The following FCER1A variants were observed in gnomAD, a reference collection of about 807,000 sequenced individuals.
The protein encoded by FCER1A is high affinity immunoglobulin epsilon receptor subunit alpha.
In FCER1A, 24 loss-of-function variants were observed where a neutral mutation model predicts 23.6. The observed-to-expected ratio is 1.02, with a 90% CI of 0.74 to 1.43. FCER1A has a LOEUF of 1.43. Among genes scored for constraint, FCER1A ranks in the 40% most tolerant of loss-of-function variants. FCER1A has a pLI of 0.00. For missense variants in FCER1A, 318 were observed against 294.5 expected (o/e 1.08, Z -0.58); for synonymous variants, 121 against 108.8 (o/e 1.11, Z -0.70).
intron 3 of FCER1A, 30 bp downstream of exon 3, chr1:159,304,212 C>G (rs1448163788): frequency 6.2e-7 from 1 of 1,602,522 alleles, no homozygotes; most frequent in Non-Finnish European, 8.5e-7. Flanking sequence ...AAATACAGAT[C>G]TCTCATGTGA....
chr1:159,300,448 A>G (rs987161879), upstream of FCER1A, among the ~76,000 whole-genome samples: 6 of 152,096 alleles, frequency 3.9e-5, no homozygotes, highest in Admixed American at 2.6e-4. Flanking sequence ...GGCTTCAAAT[A>G]TTGCCCTCTG....
chr1:159,294,411 T>A (rs933978037), intron 1 of FCER1A, among the ~76,000 whole-genome samples: 17 of 152,206 alleles, frequency 1.1e-4, no homozygotes, highest in African/African-American at 3.6e-4. Flanking sequence ...TTGTCTTGTT[T>A]CATCCTATCT....
At chr1:159,294,131 C>T (rs1300726098) in intron 1 of FCER1A, among the ~76,000 whole-genome samples, 3 of 152,192 alleles carry the variant, frequency 2.0e-5, no homozygotes, top group Admixed American at 6.5e-5. Context: ...GGATGGTAAA[C>T]TAGTTCAACC....
chr1:159,291,026 AT>A (rs1190560894), intron 1 of FCER1A, among the ~76,000 whole-genome samples: 1 of 152,104 alleles, frequency 6.6e-6, no homozygotes, highest in Non-Finnish European at 1.5e-5. Flanking sequence ...CCAAGGAATA[AT>A]GTCAATATAA....
At chr1:159,305,887 C>T in intron 3 of FCER1A, 101 bp from the exon 4 acceptor site, 1 of 1,042,570 alleles carries the variant, frequency 9.6e-7, no homozygotes, top group Non-Finnish European at 1.4e-6. Flanking sequence ...AATGATAATT[C>T]ATAGTTTCTG....
Position 159,307,921 on chromosome 1 carries a change from A to G in FCER1A, c.763A>G (p.Lys255Glu). Reference protein sequence around the residue: ...LLNPHPKPNPKNN With the variant: ...LLNPHPKPNPENN ...GAACCCACATCCTAAGCCAAACCCC[A>G]AAAACAACTGATATAATTACTCAAG... Residue 255 changes from lysine to glutamate, a missense_variant, in exon 5 of 5, where the codon AAA becomes GAA. By Grantham distance (56) the Lys-to-Glu change is moderately conservative. Transcript: ENST00000693622. 1 of 1,588,830 alleles carries G rather than the reference A, an allele frequency of 6.3e-7. No individual in the cohort carries two copies. The highest frequency in any genetic ancestry group is 8.6e-7 in the Non-Finnish European group (1 of 1,162,760).
Position 159,290,314 on chromosome 1 carries a change from C to T in FCER1A, c.-60+561C>T, listed in dbSNP as rs556036076. 3.3e-5 allele frequency among the ~76,000 whole-genome samples: 5 copies of T among 152,190 alleles called. No homozygotes were observed. The East Asian group carries it at 5.8e-4, about 18-fold the overall frequency. On this transcript the variant is annotated intron_variant, in intron 1 of 5. Coordinates refer to the FCER1A transcript ENST00000368115. The stretch of plus-strand genomic sequence containing the variant: ...TAACTCAGGGGTACTTAAGTAGGTG[C>T]CACACAATGGAGGCTAACTCTAGCA...
At chr1:159,288,039 T>C (rs1379053281), upstream of FCER1A, among the ~76,000 whole-genome samples, 2 of 152,138 alleles carry the variant, frequency 1.3e-5, no homozygotes, top group African/African-American at 4.8e-5. Context: ...GCAATTTTCA[T>C]ATATTGTGAT....
intron 1 of FCER1A, among the ~76,000 whole-genome samples, chr1:159,293,549 C>A (rs1652214001): frequency 9.1e-6 from 1 of 109,422 alleles, no homozygotes; most frequent in Non-Finnish European, 1.8e-5. Flanking sequence ...CCCCCTCCCC[C>A]CACCCCACAA....
intron 3 of FCER1A, among the ~76,000 whole-genome samples, chr1:159,305,753 C>T (rs1252050075): frequency 2.6e-5 from 4 of 152,018 alleles, no homozygotes; most frequent in Admixed American, 6.6e-5. Context: ...CAGGGAGGTC[C>T]GAGAGGCTTT....
chr1:159,285,887 TA>T (rs1336684749), upstream of FCER1A, among the ~76,000 whole-genome samples: 3 of 152,120 alleles, frequency 2.0e-5, no homozygotes, highest in Admixed American at 1.3e-4. Context: ...ATTTGTCTAT[TA>T]AAAAATAAAA....
chr1:159,294,377 G>C (rs560493563), intron 1 of FCER1A, among the ~76,000 whole-genome samples: 2 of 152,160 alleles, frequency 1.3e-5, no homozygotes, highest in East Asian at 3.9e-4. Context: ...ACTTCCCACT[G>C]CTTGAAAATT....
intron 1 of FCER1A, among the ~76,000 whole-genome samples, chr1:159,294,462 T>C (rs1040405415): frequency 3.9e-5 from 6 of 152,200 alleles, no homozygotes; most frequent in African/African-American, 1.4e-4. Context: ...TTTCATCAAA[T>C]GGCCTTTCTT....
upstream of FCER1A, among the ~76,000 whole-genome samples, chr1:159,300,940 A>G (rs1043976318): frequency 2.0e-5 from 3 of 152,210 alleles, no homozygotes. Flanking sequence ...ACTTGCTGTT[A>G]CCTTTAAGGT....
chr1:159,304,482 CT>C (rs1364226852), intron 3 of FCER1A, among the ~76,000 whole-genome samples: 1 of 152,124 alleles, frequency 6.6e-6, no homozygotes, highest in Non-Finnish European at 1.5e-5. Context: ...TGGTGGGCAC[CT>C]GTAGTCCCAG....
chr1:159,301,497 T>C (rs1481954501), upstream of FCER1A, among the ~76,000 whole-genome samples: 1 of 152,186 alleles, frequency 6.6e-6, no homozygotes, highest in Non-Finnish European at 1.5e-5. Context: ...ATAAATTATA[T>C]GGCCTAGATC....
upstream of FCER1A, among the ~76,000 whole-genome samples, chr1:159,301,360 C>CA (rs1343669581): frequency 1.3e-5 from 2 of 151,732 alleles, no homozygotes; most frequent in African/African-American, 2.4e-5. Flanking sequence ...TGACCTAGAG[C>CA]AAAAAAACAG....
upstream of FCER1A, among the ~76,000 whole-genome samples, chr1:159,289,091 A>G (rs1252115387): frequency 6.6e-6 from 1 of 152,206 alleles, no homozygotes. Context: ...GGTTATCGTC[A>G]GTCCTGCCAT....
chr1:159,304,763 A>G (rs753628394), intron 3 of FCER1A, among the ~76,000 whole-genome samples: 1 of 152,102 alleles, frequency 6.6e-6, no homozygotes, highest in Non-Finnish European at 1.5e-5. Flanking sequence ...AGATTCAGGT[A>G]TATATTATGT....
Sources: allele counts gnomAD v4.1 joint callset (sites outside exome capture counted in the v4.1 genomes callset), GRCh38; gene constraint gnomAD v4.1.1; transcripts MANE v1.5; gene names NCBI Gene and HGNC (gene_info 2026-07-23, HGNC 2026-07-21).